CATSPERT: variants seen among roughly 807,000 people sequenced by gnomAD.
CATSPERT encodes catsper channel auxiliary subunit tau, also known as cation channel sperm-associated targeting subunit tau.
the CATSPERT span, among the ~76,000 whole-genome samples, chr2:201,588,825 G>A: frequency 1.3e-5 from 2 of 151,928 alleles, no homozygotes; most frequent in Non-Finnish European, 2.9e-5. Flanking sequence ...CAAACTATCC[G>A]TTTGCAGATG....
the CATSPERT span, chr2:201,582,169 T>G: frequency 1.9e-6 from 3 of 1,609,152 alleles, no homozygotes; most frequent in Middle Eastern, 1.7e-4. Context: ...TCATATTGTA[T>G]GAGTTCCAAT....
At chr2:201,534,679 A>G in the CATSPERT span, 1 of 983,650 alleles carries the variant, frequency 1.0e-6, no homozygotes, top group Non-Finnish European at 1.2e-6. Context: ...GTAAGAATGT[A>G]AAGTGGTACA....
the CATSPERT span, among the ~76,000 whole-genome samples, chr2:201,582,483 C>G: frequency 3.3e-5 from 5 of 152,118 alleles, no homozygotes; most frequent in South Asian, 8.3e-4. Flanking sequence ...CAATTATCAT[C>G]TTTTGGAAAC....
the CATSPERT span, among the ~76,000 whole-genome samples, chr2:201,597,482 T>C: frequency 6.6e-6 from 1 of 152,164 alleles, no homozygotes; most frequent in South Asian, 2.1e-4. Context: ...TAAATTGCCA[T>C]CTCTGCTTTC....
the CATSPERT span, among the ~76,000 whole-genome samples, chr2:201,614,825 C>G: frequency 2.0e-4 from 29 of 147,804 alleles, no homozygotes; most frequent in African/African-American, 6.8e-4. Context: ...ATCTCACGTA[C>G]AGAGATACAC....
the CATSPERT span, among the ~76,000 whole-genome samples, chr2:201,501,395 C>CAAAAAAAAAAAAAAAAAA: frequency 2.1e-5 from 1 of 46,602 alleles, no homozygotes; most frequent in Non-Finnish European, 3.9e-5. Context: ...AACTCCATCT[C>CAAAAAAAAAAAAAAAAAA]AAAAAAAAAA....
the CATSPERT span, among the ~76,000 whole-genome samples, chr2:201,606,829 G>A: frequency 6.6e-6 from 1 of 151,616 alleles, no homozygotes; most frequent in Non-Finnish European, 1.5e-5. Context: ...AACCCGGAAG[G>A]TGGAGATTGC....
chr2:201,524,448 T>G, the CATSPERT span, among the ~76,000 whole-genome samples: 1 of 152,120 alleles, frequency 6.6e-6, no homozygotes, highest in Non-Finnish European at 1.5e-5. Flanking sequence ...CCATCAGAAC[T>G]GCCTTACAAG....
At chr2:201,523,836 G>T in the CATSPERT span, among the ~76,000 whole-genome samples, 1 of 152,062 alleles carries the variant, frequency 6.6e-6, no homozygotes, top group Non-Finnish European at 1.5e-5. Flanking sequence ...CTCACTATAA[G>T]AATTTCACAA....
At chr2:201,599,602 CAT>C in the CATSPERT span, among the ~76,000 whole-genome samples, 1 of 151,962 alleles carries the variant, frequency 6.6e-6, no homozygotes, top group Non-Finnish European at 1.5e-5. Flanking sequence ...CTGTAGTTAA[CAT>C]GTGTCTTGCT....
the CATSPERT span, among the ~76,000 whole-genome samples, chr2:201,538,486 CA>C: frequency 1.3e-5 from 2 of 152,046 alleles, 1 homozygote; most frequent in South Asian, 4.1e-4. Context: ...GCCATTTTTC[CA>C]AAAGCATGTG....
At chr2:201,496,017 T>C in the CATSPERT span, 1 of 1,219,874 alleles carries the variant, frequency 8.2e-7, no homozygotes, top group African/African-American at 1.5e-5. Flanking sequence ...AATATAAGAA[T>C]ATCAAGATCA....
At chr2:201,558,011 C>T in the CATSPERT span, 2 of 152,174 alleles carry the variant, frequency 1.3e-5, no homozygotes, top group East Asian at 3.8e-4. Context: ...TATGCCTTTT[C>T]TTACAGGCTT....
chr2:201,583,565 C>T, the CATSPERT span, among the ~76,000 whole-genome samples: 15 of 152,138 alleles, frequency 9.9e-5, no homozygotes, highest in Middle Eastern at 3.4e-3. Flanking sequence ...ATAAACAGGA[C>T]GACTTATATT....
At chr2:201,532,625 G>A in the CATSPERT span, among the ~76,000 whole-genome samples, 1 of 151,962 alleles carries the variant, frequency 6.6e-6, no homozygotes, top group African/African-American at 2.4e-5. Flanking sequence ...CAAGGTTAGA[G>A]AAAAAAATAA....
the CATSPERT span, among the ~76,000 whole-genome samples, chr2:201,497,922 A>C: frequency 4.6e-5 from 7 of 152,302 alleles, no homozygotes; most frequent in South Asian, 1.4e-3. Flanking sequence ...AAGGTGAGCT[A>C]CCAGGATCTA....
At chr2:201,512,163 A>C in the CATSPERT span, among the ~76,000 whole-genome samples, 1 of 152,150 alleles carries the variant, frequency 6.6e-6, no homozygotes, top group African/African-American at 2.4e-5. Context: ...CCTAAGAAAA[A>C]CATCTTAGGT....
At chr2:201,550,565 G>A in the CATSPERT span, 1 of 148,464 alleles carries the variant, frequency 6.7e-6, no homozygotes, top group Non-Finnish European at 1.5e-5. Context: ...CACAATAATA[G>A]GACCACCTAG....
chr2:201,495,246 G>C, the CATSPERT span, among the ~76,000 whole-genome samples: 3 of 151,830 alleles, frequency 2.0e-5, no homozygotes, highest in Non-Finnish European at 4.4e-5. Flanking sequence ...ACTGACTTGG[G>C]GGCATATATC....
Sources: allele counts gnomAD v4.1 joint callset (sites outside exome capture counted in the v4.1 genomes callset), GRCh38; gene constraint gnomAD v4.1.1; transcripts MANE v1.5; gene names NCBI Gene and HGNC (gene_info 2026-07-23, HGNC 2026-07-21).